CMTM8: variants seen among roughly 807,000 people sequenced by gnomAD.
CMTM8 encodes CKLF-like MARVEL transmembrane domain-containing protein 8.
In CMTM8, 12 loss-of-function variants were observed where a neutral mutation model predicts 18.6. That is an observed-to-expected ratio of 0.65 (90% CI 0.41 to 1.05). CMTM8 has a LOEUF of 1.05. CMTM8 is among the 50% of genes least tolerant of loss of function. CMTM8 has a pLI of 0.00. For synonymous variants in CMTM8, 87 were observed against 90.6 expected (o/e 0.96, Z 0.23); for missense variants, 217 against 227.2 (o/e 0.95, Z 0.29).
At chr3:32,369,175 G>A (rs1695593978) in intron 3 of CMTM8, among the ~76,000 whole-genome samples, 1 of 151,956 alleles carries the variant, frequency 6.6e-6, no homozygotes, top group Non-Finnish European at 1.5e-5. Flanking sequence ...TGAGCCGGGG[G>A]TGGTGGCGGG....
At chr3:32,302,051 G>A (rs1695628345) in intron 1 of CMTM8, among the ~76,000 whole-genome samples, 1 of 151,134 alleles carries the variant, frequency 6.6e-6, no homozygotes, top group South Asian at 2.1e-4. Flanking sequence ...GAATAGCATA[G>A]GCCAGACATG....
At position 32,320,502 on chromosome 3, in the gene CMTM8, G is replaced by C. The variant is rs895369504; in HGVS notation, c.148-36871G>C. Among the ~76,000 whole-genome samples the C allele has an allele frequency of 3.3e-5, 5 of 152,306 alleles. 1 individual carries two copies. The highest frequency in any genetic ancestry group is 7.3e-5 in the Non-Finnish European group (5 of 68,030). On this transcript the variant is annotated intron_variant, in intron 1 of 3. Transcript: ENST00000307526. ...GGGTGGGAGAGAATGGGGAACAGCT[G>C]CTAATGCAGAAGAGATTTCCTTAGG...
At chr3:32,278,624 G>A (rs1163990530) in intron 1 of CMTM8, among the ~76,000 whole-genome samples, 1 of 152,090 alleles carries the variant, frequency 6.6e-6, no homozygotes, top group African/African-American at 2.4e-5. Flanking sequence ...TTCAGGCCTG[G>A]CAAACTCCTT....
intron 1 of CMTM8, among the ~76,000 whole-genome samples, chr3:32,284,967 G>T (rs1702655703): frequency 6.6e-6 from 1 of 152,154 alleles, no homozygotes; most frequent in South Asian, 2.1e-4. Context: ...TCCTGACTTT[G>T]ATGAGCAGTT....
chr3:32,266,873 C>A (rs192428446), intron 1 of CMTM8, among the ~76,000 whole-genome samples: 31 of 152,240 alleles, frequency 2.0e-4, no homozygotes, highest in African/African-American at 6.7e-4. Flanking sequence ...GAATAAAATA[C>A]CTAGGAATCC....
intron 1 of CMTM8, among the ~76,000 whole-genome samples, chr3:32,298,327 C>T (rs1429487517): frequency 6.6e-6 from 1 of 152,102 alleles, no homozygotes; most frequent in African/African-American, 2.4e-5. Context: ...CCGCATTGGC[C>T]TCCCTAAGTG....
intron 1 of CMTM8, among the ~76,000 whole-genome samples, chr3:32,325,990 A>G (rs1280754030): frequency 2.0e-5 from 3 of 152,128 alleles, no homozygotes; most frequent in Non-Finnish European, 4.4e-5. Context: ...GAGACTTGTG[A>G]AGCAGCCAGC....
chr3:32,331,812 T>C (rs1361894545), intron 1 of CMTM8, among the ~76,000 whole-genome samples: 1 of 152,166 alleles, frequency 6.6e-6, no homozygotes, highest in African/African-American at 2.4e-5. Context: ...CTTTCACTTA[T>C]ATAAGGTATC....
At chr3:32,299,012 T>C (rs1476506352) in intron 1 of CMTM8, among the ~76,000 whole-genome samples, 2 of 149,404 alleles carry the variant, frequency 1.3e-5, no homozygotes, top group Non-Finnish European at 1.5e-5. Flanking sequence ...GCTCTTGGAC[T>C]TCTGGGCTCA....
intron 1 of CMTM8, among the ~76,000 whole-genome samples, chr3:32,349,348 A>AATG (rs1472973599): frequency 6.6e-6 from 1 of 151,864 alleles, no homozygotes; most frequent in Non-Finnish European, 1.5e-5. Context: ...TTCTTATGCT[A>AATG]ATGAAGACCT....
At chr3:32,362,189 C>G (rs555612072) in intron 2 of CMTM8, among the ~76,000 whole-genome samples, 1 of 151,930 alleles carries the variant, frequency 6.6e-6, no homozygotes, top group East Asian at 1.9e-4. Flanking sequence ...TACAGGCGCT[C>G]ACCACCACGC....
At chr3:32,252,657 T>G (rs1419220532) in intron 1 of CMTM8, among the ~76,000 whole-genome samples, 1 of 152,246 alleles carries the variant, frequency 6.6e-6, no homozygotes, top group Non-Finnish European at 1.5e-5. Flanking sequence ...TCATTTCTGA[T>G]TATTTGTGAT....
At chr3:32,368,339 T>C (rs916762648) in intron 3 of CMTM8, among the ~76,000 whole-genome samples, 11 of 152,204 alleles carry the variant, frequency 7.2e-5, no homozygotes, top group Admixed American at 6.5e-5. Flanking sequence ...CCATTTAGTT[T>C]TTTTTAAGTG....
chr3:32,328,556 A>G (rs942452269), intron 1 of CMTM8, among the ~76,000 whole-genome samples: 1 of 151,780 alleles, frequency 6.6e-6, no homozygotes, highest in African/African-American at 2.4e-5. Flanking sequence ...AAAGAAAAAA[A>G]AAAAAAAAGC....
At chr3:32,285,832 C>T (rs778200157) in intron 1 of CMTM8, among the ~76,000 whole-genome samples, 1 of 152,158 alleles carries the variant, frequency 6.6e-6, no homozygotes, top group Non-Finnish European at 1.5e-5. Flanking sequence ...CTTTCTCCCC[C>T]AGGAGAAAGC....
At chr3:32,239,948 C>T (rs1182902882) in intron 1 of CMTM8, among the ~76,000 whole-genome samples, 4 of 152,152 alleles carry the variant, frequency 2.6e-5, no homozygotes, top group Admixed American at 2.0e-4. Flanking sequence ...TAAATCACAC[C>T]GGTGGATGGT....
chr3:32,342,582 A>G (rs1696520409), intron 1 of CMTM8, among the ~76,000 whole-genome samples: 1 of 152,204 alleles, frequency 6.6e-6, no homozygotes, highest in African/African-American at 2.4e-5. Context: ...ACAGAGCTTC[A>G]GGGTTACACA....
chr3:32,241,729 C>T (rs146035025), intron 1 of CMTM8, among the ~76,000 whole-genome samples: 51 of 152,328 alleles, frequency 3.3e-4, no homozygotes, highest in Admixed American at 2.2e-3. Flanking sequence ...GTATAGTCTT[C>T]AGGTGATTTG....
intron 1 of CMTM8, among the ~76,000 whole-genome samples, chr3:32,318,563 A>C (rs1695974882): frequency 7.3e-6 from 1 of 136,120 alleles, no homozygotes; most frequent in Admixed American, 7.6e-5. Context: ...AGTCATTATT[A>C]ATTTTTTTTT....
Sources: allele counts gnomAD v4.1 joint callset (sites outside exome capture counted in the v4.1 genomes callset), GRCh38; gene constraint gnomAD v4.1.1; transcripts MANE v1.5; gene names NCBI Gene and HGNC (gene_info 2026-07-23, HGNC 2026-07-21).